Variants in CFAP299 observed in about 807,000 individuals in gnomAD.
CFAP299 encodes cilia- and flagella-associated protein 299.
A neutral mutation model predicts 27.0 loss-of-function variants in CFAP299; 21 were observed. That is an observed-to-expected ratio of 0.78 (90% CI 0.55 to 1.12). CFAP299 has a LOEUF of 1.12. Ranked by LOEUF, CFAP299 falls within the 50% of genes most tolerant of loss-of-function variation. CFAP299 has a pLI of 0.00. For synonymous variants in CFAP299, 104 were observed against 98.1 expected (o/e 1.06, Z -0.36); for missense variants, 310 against 276.6 (o/e 1.12, Z -0.86).
chr4:80,435,519 A>G (rs898116784), intron 2 of CFAP299, among the ~76,000 whole-genome samples: 4 of 152,224 alleles, frequency 2.6e-5, no homozygotes, highest in African/African-American at 9.6e-5. Flanking sequence ...TTCAACCCCT[A>G]AGGAAATCTC....
chr4:80,377,867 G>A (rs1399666019), intron 2 of CFAP299, among the ~76,000 whole-genome samples: 1 of 152,146 alleles, frequency 6.6e-6, no homozygotes. Context: ...ACATGGCTGG[G>A]GAGGCCTCTG....
rs953826198 is a variant in CFAP299 at position 80,396,305 on chromosome 4, G to A, written c.242+33421G>A. ...AATAGGGAGAGGTGTCAGGAGATGC[G>A]TAAACAGAATTTCTTCCAGTTTTTT... On this transcript the variant is annotated intron_variant, in intron 2 of 5. Transcript: ENST00000358105. Among the ~76,000 whole-genome samples the A allele has an allele frequency of 6.6e-5, 10 of 152,120 alleles. No homozygotes were observed. In the South Asian group the frequency reaches 1.0e-3, roughly 16 times the overall value.
chr4:80,829,729 A>G (rs72881526), intron 3 of CFAP299, among the ~76,000 whole-genome samples: 22,807 of 152,086 alleles, frequency 0.15, 2,079 homozygotes, highest in African/African-American at 0.26. Flanking sequence ...ATATACATAC[A>G]ATGGAATATT....
chr4:80,458,951 T>C (rs961958254), intron 2 of CFAP299, among the ~76,000 whole-genome samples: 4 of 152,038 alleles, frequency 2.6e-5, no homozygotes, highest in Non-Finnish European at 5.9e-5. Flanking sequence ...TCTTTGCGGA[T>C]GGGACTTCTT....
intron 4 of CFAP299, among the ~76,000 whole-genome samples, chr4:80,905,430 T>G (rs1735133930): frequency 6.6e-6 from 1 of 152,202 alleles, no homozygotes; most frequent in Admixed American, 6.6e-5. Context: ...CATTGTGCCT[T>G]CTAATCATTA....
intron 3 of CFAP299, among the ~76,000 whole-genome samples, chr4:80,754,044 GT>G (rs1324716009): frequency 2.0e-5 from 3 of 151,950 alleles, no homozygotes; most frequent in Admixed American, 6.6e-5. Context: ...TTTTTCCTTG[GT>G]TTTTTGTATG....
chr4:80,453,245 T>A (rs1332179273), intron 2 of CFAP299, among the ~76,000 whole-genome samples: 3 of 152,220 alleles, frequency 2.0e-5, no homozygotes, highest in Non-Finnish European at 4.4e-5. Context: ...TTGGAAAAGA[T>A]CATGCTTTTG....
chr4:80,947,606 G>T (rs1212256377), intron 5 of CFAP299, among the ~76,000 whole-genome samples: 1 of 152,062 alleles, frequency 6.6e-6, no homozygotes, highest in African/African-American at 2.4e-5. Flanking sequence ...GGGACCAGAA[G>T]TACATATTTT....
chr4:80,653,120 T>C (rs1378741871), intron 3 of CFAP299, among the ~76,000 whole-genome samples: 3 of 152,186 alleles, frequency 2.0e-5, no homozygotes, highest in Non-Finnish European at 4.4e-5. Context: ...TCCAAACCTC[T>C]GTATTCAGCT....
chr4:80,933,910 GTCT>G (rs1214528024), intron 4 of CFAP299, among the ~76,000 whole-genome samples: 2 of 152,086 alleles, frequency 1.3e-5, no homozygotes, highest in Middle Eastern at 3.4e-3. Context: ...AAGTTTGAAG[GTCT>G]TCTATTTCTT....
At chr4:80,396,739 A>T (rs1169058304) in intron 2 of CFAP299, among the ~76,000 whole-genome samples, 2 of 152,162 alleles carry the variant, frequency 1.3e-5, no homozygotes, top group African/African-American at 2.4e-5. Flanking sequence ...CCACTTGATC[A>T]TGGTGGATAA....
chr4:80,486,390 C>A (rs1730820922), intron 2 of CFAP299, among the ~76,000 whole-genome samples: 2 of 152,106 alleles, frequency 1.3e-5, no homozygotes, highest in African/African-American at 4.8e-5. Context: ...TTAGCCCTTG[C>A]TCACCAAACC....
intron 3 of CFAP299, among the ~76,000 whole-genome samples, chr4:80,861,000 C>T (rs190787855): frequency 3.3e-5 from 5 of 152,330 alleles, no homozygotes; most frequent in Admixed American, 1.3e-4. Flanking sequence ...TTTGTCTGTG[C>T]CCTGCCCCCA....
At chr4:80,949,821 T>C (rs1357120778) in intron 5 of CFAP299, among the ~76,000 whole-genome samples, 1 of 152,040 alleles carries the variant, frequency 6.6e-6, no homozygotes, top group Non-Finnish European at 1.5e-5. Flanking sequence ...TGGACTGGAC[T>C]CAATAGGAAA....
At chr4:80,422,572 T>G (rs966307629) in intron 2 of CFAP299, among the ~76,000 whole-genome samples, 2 of 152,194 alleles carry the variant, frequency 1.3e-5, no homozygotes, top group African/African-American at 4.8e-5. Flanking sequence ...TATTATTCAT[T>G]CTATCAGTTG....
chr4:80,390,124 A>G (rs1725245881), intron 2 of CFAP299, among the ~76,000 whole-genome samples: 1 of 152,136 alleles, frequency 6.6e-6, no homozygotes, highest in African/African-American at 2.4e-5. Context: ...CCTTTATTTT[A>G]TGGTGAGAAT....
intron 3 of CFAP299, among the ~76,000 whole-genome samples, chr4:80,593,105 T>C (rs1736866475): frequency 6.6e-6 from 1 of 152,204 alleles, no homozygotes; most frequent in Admixed American, 6.5e-5. Context: ...AGCTGGGTCT[T>C]CACAGGGTTG....
chr4:80,712,952 C>G (rs538023496), intron 3 of CFAP299, among the ~76,000 whole-genome samples: 58 of 152,180 alleles, frequency 3.8e-4, no homozygotes, highest in African/African-American at 1.4e-3. Context: ...AAAGGGCTAT[C>G]CTTTCATTCA....
intron 2 of CFAP299, among the ~76,000 whole-genome samples, chr4:80,500,810 G>A (rs1489303195): frequency 6.6e-6 from 1 of 152,046 alleles, no homozygotes; most frequent in African/African-American, 2.4e-5. Context: ...TCTGGGCTAG[G>A]TTCTAAAATG....
Sources: allele counts gnomAD v4.1 joint callset (sites outside exome capture counted in the v4.1 genomes callset), GRCh38; gene constraint gnomAD v4.1.1; transcripts MANE v1.5; gene names NCBI Gene and HGNC (gene_info 2026-07-23, HGNC 2026-07-21).